The following PAN3 variants were observed in gnomAD, a reference collection of about 807,000 sequenced individuals.
PAN3 encodes poly(A) specific ribonuclease subunit PAN3.
PAN3 carries 19 observed loss-of-function variants against 96.2 expected under a neutral mutation model. The observed-to-expected ratio is 0.20, with a 90% CI of 0.14 to 0.29. The LOEUF is 0.29. Among genes scored for constraint, PAN3 ranks in the 10% least tolerant of loss-of-function variants. The probability of loss-of-function intolerance (pLI) is 1.00; values close to 1 mark genes in which losing one functional copy is unlikely to be tolerated. For synonymous variants in PAN3, 433 were observed against 406.6 expected, an observed-to-expected ratio of 1.06 and a Z score of -0.78; for missense variants, 882 against 1,108.1, an observed-to-expected ratio of 0.80 and a Z score of 2.90.
chr13:28,176,599 A>G (rs1195207810), intron 3 of PAN3, 40 bp downstream of exon 3: 13 of 1,570,002 alleles, frequency 8.3e-6, no homozygotes, highest in African/African-American at 4.1e-5. Context: ...GTCTGTGTAT[A>G]TATTTCTTAC....
chr13:28,216,061 C>T (rs1880716628), intron 5 of PAN3, among the ~76,000 whole-genome samples: 1 of 151,352 alleles, frequency 6.6e-6, no homozygotes, highest in Admixed American at 6.6e-5. Flanking sequence ...TTGTGAACTA[C>T]TTCATTTTTG....
chr13:28,141,002 A>ATTTTTT (rs1869700651), intron 1 of PAN3, among the ~76,000 whole-genome samples: 1 of 104,246 alleles, frequency 9.6e-6, no homozygotes, highest in Non-Finnish European at 1.8e-5. Flanking sequence ...AGAAAGAGAC[A>ATTTTTT]CTTTTTTTTT....
At chr13:28,263,995 A>C (rs567132371) in intron 9 of PAN3, among the ~76,000 whole-genome samples, 91 of 152,302 alleles carry the variant, frequency 6.0e-4, no homozygotes, top group Non-Finnish European at 1.2e-3. Context: ...ATTTGTTTGC[A>C]TTATAGTTCA....
intron 6 of PAN3, among the ~76,000 whole-genome samples, chr13:28,235,292 C>T (rs560476899): frequency 2.6e-5 from 4 of 152,306 alleles, no homozygotes; most frequent in Non-Finnish European, 5.9e-5. Flanking sequence ...ATTTTCCATC[C>T]TCTTCCCCTG....
intron 1 of PAN3, among the ~76,000 whole-genome samples, chr13:28,173,826 T>A (rs993673836): frequency 2.0e-4 from 30 of 152,336 alleles, no homozygotes; most frequent in African/African-American, 6.5e-4. Flanking sequence ...CTGCAGATTT[T>A]TTTCCCCCTG....
chr13:28,222,545 A>G (rs1430896926), intron 6 of PAN3, among the ~76,000 whole-genome samples: 1 of 152,106 alleles, frequency 6.6e-6, no homozygotes, highest in African/African-American at 2.4e-5. Context: ...TGCATTAATT[A>G]TTTTTTCTGT....
intron 1 of PAN3, among the ~76,000 whole-genome samples, chr13:28,173,732 T>C (rs369356532): frequency 2.6e-5 from 4 of 152,308 alleles, no homozygotes; most frequent in African/African-American, 9.6e-5. Context: ...ATTGCCCTAA[T>C]AGTTCTACAG....
chr13:28,234,808 G>A (rs761011678), intron 6 of PAN3, among the ~76,000 whole-genome samples: 11 of 151,840 alleles, frequency 7.2e-5, no homozygotes, highest in African/African-American at 2.7e-4. Flanking sequence ...GAAACCTAAG[G>A]TTTATTTTTG....
intron 4 of PAN3, among the ~76,000 whole-genome samples, chr13:28,186,069 A>G (rs1383578952): frequency 6.6e-6 from 1 of 152,194 alleles, no homozygotes; most frequent in African/African-American, 2.4e-5. Flanking sequence ...TTTTATTCCC[A>G]AGATTTGTTG....
chr13:28,227,998 G>A lies in PAN3; in HGVS notation c.1000+7620G>A, dbSNP rs140633995. 1.8e-4 allele frequency among the ~76,000 whole-genome samples: 27 copies of A among 152,298 alleles called. No homozygotes were observed. The East Asian group carries it at 3.1e-3, about 17-fold the overall frequency. On this transcript the variant is annotated intron_variant, in intron 6 of 18. Transcript: ENST00000380958. ...TTTCCGATCTGTTTCATAGCTGAACGTGGAGAGTTAGATGTCGATCTTCCT... is the reference window on the plus strand; with the variant it reads ...TTTCCGATCTGTTTCATAGCTGAACATGGAGAGTTAGATGTCGATCTTCCT...
rs1038329160 is a variant in PAN3, at chr13:28,146,306, C to CTG, written c.430+7220_430+7221insGT. Among the ~76,000 whole-genome samples the CTG allele has an allele frequency of 2.2e-4, 33 of 150,698 alleles. 1 individual carries two copies. Among genetic ancestry groups the CTG allele is most frequent in the African/African-American group, 7.8e-4 (32 of 40,932 alleles). On this transcript the variant is annotated intron_variant, in intron 1 of 18. Transcript: ENST00000380958. ...TATTTTTTCCTCTTTCTCTGTCTCT[C>CTG]TCTCTCTCTCTCTCTCTCTCATATT...
At chr13:28,223,871 ATTTTTT>A (rs560571140) in intron 6 of PAN3, among the ~76,000 whole-genome samples, 8 of 75,048 alleles carry the variant, frequency 1.1e-4, no homozygotes, top group African/African-American at 3.8e-4. Context: ...ATGAAAAGTG[ATTTTTT>A]TTTTTTTTTT....
At chr13:28,241,554 G>T (rs890090505) in intron 6 of PAN3, among the ~76,000 whole-genome samples, 1 of 152,162 alleles carries the variant, frequency 6.6e-6, no homozygotes, top group Non-Finnish European at 1.5e-5. Flanking sequence ...GGGGTTGTGA[G>T]GGAGGCTTCG....
At chr13:28,269,197 A>G (rs1034643887) in intron 12 of PAN3, among the ~76,000 whole-genome samples, 5 of 152,156 alleles carry the variant, frequency 3.3e-5, no homozygotes, top group Non-Finnish European at 2.9e-5. Context: ...AATGCCAGAA[A>G]TATCTCCAGA....
intron 6 of PAN3, among the ~76,000 whole-genome samples, chr13:28,228,485 A>G (rs1882224360): frequency 6.6e-6 from 1 of 152,064 alleles, no homozygotes; most frequent in South Asian, 2.1e-4. Flanking sequence ...TTAGTTCTAA[A>G]TTTTTCAGTC....
intron 15 of PAN3, among the ~76,000 whole-genome samples, chr13:28,279,789 T>G (rs1392401286): frequency 6.6e-6 from 1 of 151,662 alleles, no homozygotes; most frequent in Non-Finnish European, 1.5e-5. Flanking sequence ...ATTAATTTAT[T>G]TTTGTTTTTT....
intron 14 of PAN3, among the ~76,000 whole-genome samples, chr13:28,274,262 T>C (rs1476348089): frequency 6.6e-6 from 1 of 152,182 alleles, no homozygotes; most frequent in Non-Finnish European, 1.5e-5. Context: ...GCTACTTTCA[T>C]TCTTATCTTC....
chr13:28,215,367 G>A (rs536972342), intron 5 of PAN3: 5 of 751,798 alleles, frequency 6.7e-6, no homozygotes, highest in African/African-American at 5.1e-5. Context: ...TCCAGTCAAC[G>A]TTACAACTGA....
chr13:28,173,643 T>A (rs975758514), intron 1 of PAN3, among the ~76,000 whole-genome samples: 3 of 152,220 alleles, frequency 2.0e-5, no homozygotes, highest in Admixed American at 1.3e-4. Flanking sequence ...CCCATCTTAT[T>A]GTTAAACTAG....
Sources: gnomAD v4.1 joint callset for allele counts (sites outside exome capture counted in the v4.1 genomes callset) on GRCh38, gnomAD v4.1.1 for gene constraint, MANE v1.5 for transcripts, NCBI Gene and HGNC (gene_info 2026-07-23, HGNC 2026-07-21) for gene names.